Variants in ROBO2 observed in about 807,000 individuals in gnomAD.
ROBO2 encodes roundabout homolog 2.
Under a neutral mutation model 160.8 loss-of-function variants are expected in ROBO2, and 53 were observed. That is an observed-to-expected ratio of 0.33 (90% CI 0.26 to 0.41). The LOEUF is 0.41. Ranked by LOEUF, ROBO2 falls within the 10% of genes least tolerant of loss-of-function variation. The probability of loss-of-function intolerance (pLI) is 1.00; values close to 1 mark genes in which losing one functional copy is unlikely to be tolerated. For missense variants in ROBO2, 1,577 were observed against 1,722.4 expected (o/e 0.92, Z 1.49); for synonymous variants, 664 against 611.7 (o/e 1.09, Z -1.26).
chr3:77,549,308 T>G (rs2092824906), intron 7 of ROBO2, among the ~76,000 whole-genome samples: 1 of 152,004 alleles, frequency 6.6e-6, no homozygotes. Context: ...AATGGCTAAT[T>G]GTGGGAAAGT....
At chr3:76,159,717 C>A (rs2106911448) in intron 2 of ROBO2, among the ~76,000 whole-genome samples, 1 of 152,238 alleles carries the variant, frequency 6.6e-6, no homozygotes, top group East Asian at 1.9e-4. Context: ...AGCATAAGCT[C>A]TATCAAGTTC....
At chr3:76,511,775 A>T (rs1361163181) in intron 2 of ROBO2, among the ~76,000 whole-genome samples, 1 of 152,116 alleles carries the variant, frequency 6.6e-6, no homozygotes, top group Non-Finnish European at 1.5e-5. Context: ...TGTATGTCAA[A>T]TGAGAGAAAA....
intron 2 of ROBO2, among the ~76,000 whole-genome samples, chr3:76,937,986 G>A (rs957044474): frequency 6.6e-6 from 1 of 152,166 alleles, no homozygotes; most frequent in Non-Finnish European, 1.5e-5. Context: ...GGCACTGGGT[G>A]CAGTTAGGTA....
At chr3:77,195,561 A>T (rs1038377869) in intron 2 of ROBO2, among the ~76,000 whole-genome samples, 1 of 152,234 alleles carries the variant, frequency 6.6e-6, no homozygotes, top group African/African-American at 2.4e-5. Context: ...TTGGACATTT[A>T]AAGTTCCTGG....
At chr3:77,181,966 G>A (rs1034647727) in intron 2 of ROBO2, among the ~76,000 whole-genome samples, 58 of 151,952 alleles carry the variant, frequency 3.8e-4, no homozygotes, top group African/African-American at 1.3e-3. Context: ...AGTACTTCAC[G>A]TTTCACAAAA....
intron 2 of ROBO2, among the ~76,000 whole-genome samples, chr3:76,354,665 A>T (rs2075054727): frequency 6.6e-6 from 1 of 151,886 alleles, no homozygotes; most frequent in South Asian, 2.1e-4. Flanking sequence ...TTTCGGTGTC[A>T]CAAATCACTG....
intron 2 of ROBO2, among the ~76,000 whole-genome samples, chr3:77,331,768 A>G (rs180850949): frequency 5.9e-5 from 9 of 152,150 alleles, no homozygotes; most frequent in Admixed American, 2.0e-4. Flanking sequence ...CAGTGGCGCG[A>G]TATGTCGGCT....
intron 2 of ROBO2, among the ~76,000 whole-genome samples, chr3:76,088,075 A>G (rs2069090263): frequency 6.6e-6 from 1 of 152,106 alleles, no homozygotes; most frequent in African/African-American, 2.4e-5. Context: ...CAGAGTAGCT[A>G]TATCAATTTC....
chr3:76,749,120 A>G (rs2093938718), intron 2 of ROBO2, among the ~76,000 whole-genome samples: 1 of 151,912 alleles, frequency 6.6e-6, no homozygotes, highest in Non-Finnish European at 1.5e-5. Flanking sequence ...TAAAAATTAT[A>G]TATAGATTCA....
rs74727527 is a variant in ROBO2 at position 76,531,561 on chromosome 3, T to C, written c.110-566453T>C. On this transcript the variant is annotated intron_variant, in intron 2 of 26. Transcript: ENST00000487694. The stretch of plus-strand genomic sequence containing the variant: ...TGAAAAAGGTAAAACAACTGCCCTA[T>C]AGCCTTTCTGATCTTCTCCTTCTCT... Among the ~76,000 whole-genome samples, 579 of 151,616 alleles carry C rather than the reference T, an allele frequency of 3.8e-3. 6 individuals carry two copies. Among genetic ancestry groups the C allele is most frequent in the African/African-American group, 0.013 (558 of 41,476 alleles).
intron 2 of ROBO2, among the ~76,000 whole-genome samples, chr3:77,188,968 T>TGTGAGAGA (rs550237793): frequency 1.1e-4 from 15 of 142,294 alleles, no homozygotes; most frequent in Non-Finnish European, 2.0e-4. Context: ...TGTGTGTGTG[T>TGTGAGAGA]GAGAGAGAGA....
chr3:76,133,881 C>T (rs1023950268), intron 2 of ROBO2, among the ~76,000 whole-genome samples: 2 of 151,790 alleles, frequency 1.3e-5, no homozygotes, highest in Non-Finnish European at 2.9e-5. Flanking sequence ...TGTTAATCTC[C>T]TTTGACAACG....
chr3:75,996,179 A>T (rs113626520), intron 2 of ROBO2, among the ~76,000 whole-genome samples: 1 of 152,162 alleles, frequency 6.6e-6, no homozygotes, highest in Non-Finnish European at 1.5e-5. Context: ...GGGCAGAATG[A>T]TATGGTTTGT....
At chr3:76,062,733 CT>C (rs1033591819) in intron 2 of ROBO2, among the ~76,000 whole-genome samples, 2 of 152,166 alleles carry the variant, frequency 1.3e-5, no homozygotes, top group African/African-American at 2.4e-5. Flanking sequence ...ACAGTGTTAG[CT>C]ATAGGACTGT....
chr3:77,363,381 A>C (rs2070340105), intron 2 of ROBO2, among the ~76,000 whole-genome samples: 1 of 152,312 alleles, frequency 6.6e-6, no homozygotes. Flanking sequence ...AGCTCAATGT[A>C]TATCAGATAT....
chr3:77,260,175 G>T (rs1459546778), intron 2 of ROBO2, among the ~76,000 whole-genome samples: 1 of 152,106 alleles, frequency 6.6e-6, no homozygotes, highest in African/African-American at 2.4e-5. Context: ...ACAGCGGTGG[G>T]TCCATGTTAT....
intron 1 of ROBO2, among the ~76,000 whole-genome samples, chr3:77,086,949 T>G: frequency 6.6e-6 from 1 of 152,222 alleles, no homozygotes; most frequent in East Asian, 1.9e-4. Context: ...CAGGAAAATT[T>G]ATCAAGAGTT....
chr3:77,595,972 T>G (rs977972630), intron 18 of ROBO2, among the ~76,000 whole-genome samples: 10 of 152,148 alleles, frequency 6.6e-5, no homozygotes, highest in African/African-American at 2.4e-4. Flanking sequence ...AGAAGGAAGT[T>G]CTTTACTAAA....
chr3:76,149,595 AAC>A (rs2072069116), intron 2 of ROBO2, among the ~76,000 whole-genome samples: 1 of 123,012 alleles, frequency 8.1e-6, no homozygotes, highest in South Asian at 2.8e-4. Flanking sequence ...ATCTGTCTAA[AAC>A]ACACATCATC....
Sources: allele counts gnomAD v4.1 joint callset (sites outside exome capture counted in the v4.1 genomes callset), GRCh38; gene constraint gnomAD v4.1.1; transcripts MANE v1.5; gene names NCBI Gene and HGNC (gene_info 2026-07-23, HGNC 2026-07-21).